The following SLC17A2 variants were observed in gnomAD, a reference collection of about 807,000 sequenced individuals.
SLC17A2 encodes solute carrier family 17 member 2, also known as sodium-dependent phosphate transport protein 3.
In SLC17A2, 38 loss-of-function variants were observed where a neutral mutation model predicts 52.1. The observed-to-expected ratio is 0.73, with a 90% CI of 0.56 to 0.96. The LOEUF (loss-of-function observed/expected upper bound fraction) is 0.96, where lower values mean the gene tolerates loss of function less well. Among genes scored for constraint, SLC17A2 ranks in the 40% least tolerant of loss-of-function variants. The pLI, the probability that SLC17A2 is intolerant of heterozygous loss-of-function variation, is 0.00. For missense variants in SLC17A2, 508 were observed against 583.9 expected (o/e 0.87, Z 1.34); for synonymous variants, 226 against 211.9 (o/e 1.07, Z -0.58).
intron 3 of SLC17A2, 134 bp downstream of exon 3, chr6:25,923,561 A>G: frequency 1.4e-6 from 1 of 706,816 alleles, no homozygotes; most frequent in Non-Finnish European, 2.5e-6. Context: ...GCAATGTCTC[A>G]AAGAAAAATA....
rs1766351906 is a variant in SLC17A2, at chr6:25,917,030, A to G, written c.707T>C (p.Met236Thr). 10 of 1,614,054 alleles carry G rather than the reference A, an allele frequency of 6.2e-6. No individual in the cohort carries two copies. Among genetic ancestry groups the G allele is most frequent in the Non-Finnish European group, 8.5e-6 (10 of 1,180,016 alleles). The change falls in exon 7 of 12, where the codon ATG (methionine) becomes ACG (threonine). Residue 236 changes from methionine to threonine, a missense_variant. By Grantham distance (81) the Met-to-Thr change is moderately conservative. Transcript: ENST00000377850. ...LWFTVIYDDP[M>T]HHPCISVREK... is the part of the protein sequence containing the mutation. ...CCTAACACTTATGCACGGGTGATGCATGGGGTCATCATAAATCACTGTGAA... is the reference window on the plus strand; with the variant it reads ...CCTAACACTTATGCACGGGTGATGCGTGGGGTCATCATAAATCACTGTGAA...
In SLC17A2 at chr6:25,916,718, A is replaced by T. The variant is rs139793254; in HGVS notation, c.897T>A (p.Tyr299Ter). 8.5e-5 allele frequency: 137 copies of T among 1,613,734 alleles called. No homozygotes were observed. Among genetic ancestry groups the T allele is most frequent in the Non-Finnish European group, 1.1e-4 (133 of 1,179,722 alleles). Residue 299 changes from tyrosine to a stop codon, truncating the protein, a stop_gained, in exon 8 of 12, where the codon TAT (tyrosine) becomes TAA (stop). Transcript: ENST00000377850. LOFTEE classifies it high-confidence loss of function. Reference sequence around the variant, plus strand: ...TGTTAACATGGAGCAGAGTACTGATATACGTTGGTAGGTATGTTAGGATGA... The same window carrying T: ...TGTTAACATGGAGCAGAGTACTGATTTACGTTGGTAGGTATGTTAGGATGA... ...CTIILTYLPT[Y>*]ISTLLHVNIR...
intron 1 of SLC17A2, among the ~76,000 whole-genome samples, 167 bp from the exon 2 acceptor site, chr6:25,926,046 T>C (rs970568801): frequency 1.3e-5 from 2 of 152,240 alleles, no homozygotes; most frequent in Non-Finnish European, 2.9e-5. Context: ...AAAGGAAATC[T>C]GGCTGTAAGT....
rs1416895786 is a variant in SLC17A2, at chr6:25,930,598, G to A, written c.-405C>T. The A allele has an allele frequency of 6.6e-6, 1 of 152,138 alleles. No individual in the cohort carries two copies. Among genetic ancestry groups the A allele is most frequent in the African/African-American group, 2.4e-5 (1 of 41,426 alleles). The allele number at this position is 152,138 out of a possible 1,614,324, so 9.4% of individuals were successfully genotyped here. A position where few individuals can be genotyped will look rare whatever the true frequency, so the allele number is the denominator to read the frequency against. On this transcript the variant is annotated 5_prime_UTR_variant, in exon 1 of 12. Transcript: ENST00000377850. The stretch of plus-strand genomic sequence containing the variant: ...CTATAAGGCTAACTTGGAAAAGGAG[G>A]GAGTTTTCTGTCCCTTCTTCCCTTT...
rs1359141189 is a variant in SLC17A2, at chr6:25,914,588, T to A, written c.1294A>T (p.Ile432Phe). The A allele has an allele frequency of 6.2e-7, 1 of 1,608,828 alleles. No individual in the cohort carries two copies. The highest frequency in any genetic ancestry group is 1.7e-5 in the Admixed American group (1 of 60,014). ...IISSTATGFL[I>F]SQDFESGWRN... is the part of the protein sequence containing the mutation. ...CAATAAACTGGCCCAACCTGACTGATGAGGAATCCAGTGGCAGTGGAAGAG... is the reference window on the plus strand; with the variant it reads ...CAATAAACTGGCCCAACCTGACTGAAGAGGAATCCAGTGGCAGTGGAAGAG... The change falls in exon 11 of 12, where the codon ATC (isoleucine) becomes TTC (phenylalanine). Residue 432 changes from isoleucine (I) to phenylalanine (F), a missense_variant. Physicochemically the swap from Ile to Phe is conservative, Grantham distance 21. Coordinates refer to ENST00000377850, the MANE Select transcript of SLC17A2 (RefSeq NM_001286123.3).
At chr6:25,914,119 C>A (rs1015132697) in intron 11 of SLC17A2, among the ~76,000 whole-genome samples, 1 of 152,218 alleles carries the variant, frequency 6.6e-6, no homozygotes, top group Non-Finnish European at 1.5e-5. Context: ...AGCCTCCTTG[C>A]AATGTCTCAC....
intron 1 of SLC17A2, among the ~76,000 whole-genome samples, chr6:25,929,634 C>A (rs1163775971): frequency 1.3e-5 from 2 of 152,162 alleles, no homozygotes; most frequent in Non-Finnish European, 2.9e-5. Flanking sequence ...ACTGAGGGCC[C>A]TCTCATCATC....
chr6:25,916,473 A>T (rs1419861987), intron 8 of SLC17A2, among the ~76,000 whole-genome samples: 1 of 152,172 alleles, frequency 6.6e-6, no homozygotes, highest in Non-Finnish European at 1.5e-5. Flanking sequence ...CAGCTCTATC[A>T]CTTAGTATTG....
chr6:25,914,647 A>G lies in SLC17A2; in HGVS notation c.1235T>C (p.Ile412Thr), dbSNP rs979966458. Reference sequence around the variant, plus strand: ...TGCGATGAGCCCAAATCCCCTTGAGATTCCCATGAGGAAACTTGCATATCT... The same window carrying G: ...TGCGATGAGCCCAAATCCCCTTGAGGTTCCCATGAGGAAACTTGCATATCT... ...APRYASFLMG[I>T]SRGFGLIAGI... The change falls in exon 11 of 12, where the codon ATC (isoleucine) becomes ACC (threonine). Residue 412 changes from isoleucine (I) to threonine (T), a missense_variant. Physicochemically the swap from Ile to Thr is moderately conservative, Grantham distance 89 (BLOSUM62 -1). Transcript: ENST00000377850. 6.2e-7 allele frequency: 1 copy of G among 1,611,476 alleles called. No homozygotes were observed. The highest frequency in any genetic ancestry group is 1.3e-5 in the African/African-American group (1 of 74,980).
At chr6:25,929,782 T>C (rs1209841954) in intron 1 of SLC17A2, among the ~76,000 whole-genome samples, 1 of 152,052 alleles carries the variant, frequency 6.6e-6, no homozygotes, top group African/African-American at 2.4e-5. Context: ...ATAACTTTGG[T>C]CATGTTCTCC....
intron 11 of SLC17A2, among the ~76,000 whole-genome samples, chr6:25,913,780 T>TTTTTTGTTG (rs1554137624): frequency 2.7e-5 from 4 of 149,486 alleles, no homozygotes; most frequent in Non-Finnish European, 5.9e-5. Flanking sequence ...TCTGTTTTTT[T>TTTTTTGTTG]TTGTTGTTGT....
At chr6:25,925,704 T>G (rs1766737678) in intron 2 of SLC17A2, 65 bp downstream of exon 2, 6 of 1,405,222 alleles carry the variant, frequency 4.3e-6, no homozygotes, top group Admixed American at 1.7e-5. Flanking sequence ...TGCAGAGATG[T>G]GTAAATGTGT....
At chr6:25,914,532 C>G in intron 11 of SLC17A2, 48 bp downstream of exon 11, 1 of 1,209,950 alleles carries the variant, frequency 8.3e-7, no homozygotes. Flanking sequence ...ATCTCCAACA[C>G]CTAAAACAAT....
intron 9 of SLC17A2, 36 bp downstream of exon 9, chr6:25,915,700 G>A: frequency 1.2e-6 from 2 of 1,613,172 alleles, no homozygotes; most frequent in Non-Finnish European, 1.7e-6. Context: ...GTGCAGAAAA[G>A]GGATTGGTTA....
chr6:25,927,531 A>G (rs146349872), intron 1 of SLC17A2, among the ~76,000 whole-genome samples: 27 of 152,332 alleles, frequency 1.8e-4, no homozygotes, highest in Non-Finnish European at 3.1e-4. Context: ...TTCTATATTT[A>G]CCAAGTGATT....
chr6:25,917,110 GT>G, intron 6 of SLC17A2, 23 bp from the exon 7 acceptor site: 1 of 1,583,058 alleles, frequency 6.3e-7, no homozygotes, highest in African/African-American at 1.3e-5. Context: ...GATAAAATTA[GT>G]TTTTAGGTAG....
rs1304897616 is a variant in SLC17A2, at chr6:25,918,451, A to C, written c.649+36T>G. 3 of 1,422,832 alleles carry C rather than the reference A, an allele frequency of 2.1e-6. No individual in the cohort carries two copies. The South Asian group carries it at 3.5e-5, about 16-fold the overall frequency. The allele number at this position is 1,422,832 out of a possible 1,614,324, so 88.1% of individuals were successfully genotyped here. ...TAGGTGCCAAAATGGATGCTCAGGAAATGGAGGCGTTAGGATTTAAGAGAA... is the reference window on the plus strand; with the variant it reads ...TAGGTGCCAAAATGGATGCTCAGGACATGGAGGCGTTAGGATTTAAGAGAA... On this transcript the variant is annotated intron_variant, in intron 6 of 11. Coordinates refer to ENST00000377850, the MANE Select transcript of SLC17A2 (RefSeq NM_001286123.3).
chr6:25,930,103 C>A (rs895671236), intron 1 of SLC17A2, among the ~76,000 whole-genome samples, 174 bp downstream of exon 1: 2 of 152,212 alleles, frequency 1.3e-5, no homozygotes, highest in Non-Finnish European at 2.9e-5. Context: ...CAGGCGTGAG[C>A]CACCAGGCCC....
At chr6:25,925,510 C>CA (rs71763063) in intron 2 of SLC17A2, among the ~76,000 whole-genome samples, 2,428 of 95,704 alleles carry the variant, frequency 0.025, 56 homozygotes, top group African/African-American at 0.083. Flanking sequence ...AAGACTCAGT[C>CA]AAAAAAAAAA....
Sources: allele counts gnomAD v4.1 joint callset (sites outside exome capture counted in the v4.1 genomes callset), GRCh38; gene constraint gnomAD v4.1.1; transcripts MANE v1.5; gene names NCBI Gene and HGNC (gene_info 2026-07-23, HGNC 2026-07-21).